SS18L1: variants seen among roughly 807,000 people sequenced by gnomAD.
The protein encoded by SS18L1 is calcium-responsive transactivator.
In SS18L1, 32 loss-of-function variants were observed where a neutral mutation model predicts 70.3. The ratio of observed to expected loss-of-function variants is 0.46; its 90% confidence interval spans 0.34 to 0.61. The LOEUF (loss-of-function observed/expected upper bound fraction) is 0.61, where lower values mean the gene tolerates loss of function less well. Among genes scored for constraint, SS18L1 ranks in the 20% least tolerant of loss-of-function variants. SS18L1 has a pLI of 0.01. For synonymous variants in SS18L1, 237 were observed against 229.7 expected, an observed-to-expected ratio of 1.03 and a Z score of -0.29; for missense variants, 430 against 542.1, an observed-to-expected ratio of 0.79 and a Z score of 2.05.
chr20:62,149,955 G>A (rs1192673955), intron 1 of SS18L1, among the ~76,000 whole-genome samples: 1 of 152,228 alleles, frequency 6.6e-6, no homozygotes, highest in Non-Finnish European at 1.5e-5. Context: ...TGATTTTGTT[G>A]TGTTGTGCTG....
chr20:62,164,512 C>T (rs896810070), intron 7 of SS18L1, among the ~76,000 whole-genome samples: 5 of 152,244 alleles, frequency 3.3e-5, no homozygotes, highest in Non-Finnish European at 7.3e-5. Flanking sequence ...CTTGCCTCTA[C>T]TTCCTGAAAG....
intron 1 of SS18L1, among the ~76,000 whole-genome samples, chr20:62,148,142 G>A (rs571881128): frequency 5.9e-5 from 9 of 152,338 alleles, no homozygotes; most frequent in Admixed American, 1.3e-4. Flanking sequence ...CTTTACATCC[G>A]CAGGGATAGG....
At chr20:62,148,658 C>A (rs1017383635) in intron 1 of SS18L1, among the ~76,000 whole-genome samples, 1 of 152,256 alleles carries the variant, frequency 6.6e-6, no homozygotes, top group Non-Finnish European at 1.5e-5. Context: ...AGGCGCTCTG[C>A]AAGGCCCTTG....
At chr20:62,163,715 G>C in intron 6 of SS18L1, 93 bp downstream of exon 6, 1 of 1,426,360 alleles carries the variant, frequency 7.0e-7, no homozygotes, top group Non-Finnish European at 9.2e-7. Flanking sequence ...GGAGCCTGGG[G>C]GAGTGAGGCG....
chr20:62,173,251 C>G (rs1375751859), intron 9 of SS18L1, among the ~76,000 whole-genome samples: 70 of 152,258 alleles, frequency 4.6e-4, no homozygotes, highest in Middle Eastern at 3.4e-3. Context: ...TTACAATCAC[C>G]CAGGAAACTT....
intron 1 of SS18L1, among the ~76,000 whole-genome samples, chr20:62,151,952 G>A (rs1236585867): frequency 6.8e-6 from 1 of 146,210 alleles, no homozygotes; most frequent in Admixed American, 6.8e-5. Flanking sequence ...CCCAGAGCTG[G>A]CCTCCCCCGT....
At chr20:62,149,187 G>C (rs959912178) in intron 1 of SS18L1, among the ~76,000 whole-genome samples, 2 of 152,242 alleles carry the variant, frequency 1.3e-5, no homozygotes, top group African/African-American at 4.8e-5. Context: ...GAATAAACAG[G>C]CCCTGGGTGC....
At chr20:62,156,340 C>T (rs530968120) in intron 1 of SS18L1, among the ~76,000 whole-genome samples, 41 of 152,178 alleles carry the variant, frequency 2.7e-4, no homozygotes, top group Non-Finnish European at 4.6e-4. Flanking sequence ...GGAATGCTGG[C>T]GCCTGGCAGG....
At position 62,165,380 on chromosome 20, in the gene SS18L1, T is replaced by C. The variant is rs745474648; in HGVS notation, c.824-42T>C. ...GTTGCCTCCTCCGGGACCTGTGCAG[T>C]GCACAGCCTCCGCTGACTGTCGCCG... On this transcript the variant is annotated intron_variant, in intron 7 of 10. Transcript: ENST00000331758. The C allele has an allele frequency of 1.0e-5, 16 of 1,582,304 alleles. No homozygotes were observed. The South Asian group carries it at 1.8e-4, about 18-fold the overall frequency.
chr20:62,167,701 G>T (rs2057459877), intron 8 of SS18L1, among the ~76,000 whole-genome samples: 1 of 152,238 alleles, frequency 6.6e-6, no homozygotes, highest in Admixed American at 6.5e-5. Context: ...GGAGCACAGG[G>T]TTCAGCCTTG....
At position 62,161,036 on chromosome 20, in the gene SS18L1, G is replaced by A. The variant is rs548869527; in HGVS notation, c.232-400G>A. 1.3e-5 allele frequency among the ~76,000 whole-genome samples: 2 copies of A among 151,876 alleles called. No homozygotes were observed. ...GAAACAGGAGAGGGATCCCACCTCT[G>A]CCGAAGCTCTTGGCACGGAGGGGTC... is the stretch of plus-strand genomic sequence containing the variant. On this transcript the variant is annotated intron_variant, in intron 3 of 10. Transcript: ENST00000331758. The surrounding 1 kb of genome is among the most constrained non-coding windows in gnomAD (Gnocchi z 4.4).
At chr20:62,170,595 G>A (rs565684375) in intron 8 of SS18L1, among the ~76,000 whole-genome samples, 1 of 152,388 alleles carries the variant, frequency 6.6e-6, no homozygotes, top group African/African-American at 2.4e-5. Context: ...TTGAGAGCAC[G>A]GCCTGGGCTC....
At chr20:62,150,633 A>AATTTTTTTTTT (rs1199902967) in intron 1 of SS18L1, among the ~76,000 whole-genome samples, 23 of 58,028 alleles carry the variant, frequency 4.0e-4, no homozygotes, top group Non-Finnish European at 6.0e-4. Context: ...ATTGAGGTGG[A>AATTTTTTTTTT]TTTTTTTTTT....
rs555518581 is a variant in SS18L1 at position 62,164,927 on chromosome 20, G to A, written c.824-495G>A. Among the ~76,000 whole-genome samples the A allele has an allele frequency of 9.8e-5, 15 of 152,290 alleles. No homozygotes were observed. In the East Asian group the frequency reaches 2.9e-3, roughly 29 times the overall value. On this transcript the variant is annotated intron_variant, in intron 7 of 10. Transcript: ENST00000331758. Reference sequence around the variant, plus strand: ...GTAAAAATAACAATAAAATAAAGTGGTCTTAAAGGCTGGATTGATCCCTGG... The same window carrying A: ...GTAAAAATAACAATAAAATAAAGTGATCTTAAAGGCTGGATTGATCCCTGG...
At chr20:62,163,235 G>A (rs1237738351) in intron 5 of SS18L1, among the ~76,000 whole-genome samples, 2 of 152,178 alleles carry the variant, frequency 1.3e-5, no homozygotes, top group Non-Finnish European at 2.9e-5. Context: ...ACAGCACTGG[G>A]CTCTCAGAGG....
chr20:62,158,956 C>G lies in SS18L1; in HGVS notation c.146+208C>G, dbSNP rs557149096. 7.0e-6 allele frequency: 11 copies of G among 1,576,174 alleles called. No homozygotes were observed. The highest frequency in any genetic ancestry group is 2.2e-5 in the South Asian group (2 of 89,922). The stretch of plus-strand genomic sequence containing the variant: ...CCCAGCACGGAGGTCAGATATGTCC[C>G]GAGAGTCCCCCAGCACGGAGGCCAG... On this transcript the variant is annotated intron_variant, in intron 2 of 10. Coordinates refer to ENST00000331758, the MANE Select transcript of SS18L1 (RefSeq NM_198935.3). The surrounding 1 kb of genome is among the most constrained non-coding windows in gnomAD (Gnocchi z 4.5).
intron 1 of SS18L1, among the ~76,000 whole-genome samples, chr20:62,145,741 G>A (rs937526573): frequency 3.3e-5 from 5 of 152,218 alleles, no homozygotes; most frequent in Non-Finnish European, 7.3e-5. Context: ...GACTTGGCTT[G>A]GTAGGGCCAG....
At chr20:62,170,597 C>T (rs1424996894) in intron 8 of SS18L1, among the ~76,000 whole-genome samples, 1 of 152,266 alleles carries the variant, frequency 6.6e-6, no homozygotes, top group East Asian at 1.9e-4. Context: ...GAGAGCACGG[C>T]CTGGGCTCCC....
intron 8 of SS18L1, among the ~76,000 whole-genome samples, chr20:62,170,431 C>T (rs949029062): frequency 2.1e-4 from 32 of 152,278 alleles, no homozygotes; most frequent in African/African-American, 5.1e-4. Context: ...GCGTGAACCC[C>T]GGAGGCAGAG....
Sources: gnomAD v4.1 joint callset for allele counts (sites outside exome capture counted in the v4.1 genomes callset) on GRCh38, gnomAD v4.1.1 for gene constraint, Gnocchi (gnomAD v3.1) non-coding constraint, MANE v1.5 for transcripts, NCBI Gene and HGNC (gene_info 2026-07-23, HGNC 2026-07-21) for gene names.